The following FAN1 variants were observed in gnomAD, a reference collection of about 807,000 sequenced individuals.
The protein encoded by FAN1 is FANCD2 and FANCI associated nuclease 1.
In FAN1, 91 loss-of-function variants were observed where a neutral mutation model predicts 104.9. The ratio of observed to expected loss-of-function variants is 0.87; its 90% CI spans 0.73 to 1.03. FAN1 has a LOEUF of 1.03. Among genes scored for constraint, FAN1 ranks in the 50% least tolerant of loss-of-function variants. The pLI is 0.00. For missense variants in FAN1, 1,263 were observed against 1,239.9 expected (o/e 1.02, Z -0.28); for synonymous variants, 478 against 457.6 (o/e 1.04, Z -0.57).
chr15:30,932,579 AAATTT>A (rs1452951018), intron 13 of FAN1, among the ~76,000 whole-genome samples: 1 of 152,176 alleles, frequency 6.6e-6, no homozygotes, highest in African/African-American at 2.4e-5. Context: ...GCTATAAATT[AAATTT>A]ATTTTTAAAC....
At chr15:30,926,988 A>G in intron 10 of FAN1, 2 of 985,454 alleles carry the variant, frequency 2.0e-6, no homozygotes, top group Non-Finnish European at 2.4e-6. Context: ...TTTCACTTAT[A>G]ACACAAATGC....
chr15:30,923,832 T>G (rs1312509531), intron 8 of FAN1, among the ~76,000 whole-genome samples: 1 of 152,226 alleles, frequency 6.6e-6, no homozygotes, highest in Non-Finnish European at 1.5e-5. Flanking sequence ...TTTTTATGTT[T>G]CTATTGTGGT....
At chr15:30,923,699 G>A (rs1217587060) in intron 8 of FAN1, among the ~76,000 whole-genome samples, 2 of 152,220 alleles carry the variant, frequency 1.3e-5, no homozygotes, top group African/African-American at 2.4e-5. Context: ...ACCGTCTTCT[G>A]CCAGCGAACA....
chr15:30,910,770 C>T lies in FAN1; in HGVS notation c.1532C>T (p.Thr511Ile), dbSNP rs1427088834. ...TTGGCCAAACAGCGTTCAGTCTGCA[C>T]TTGGGGCAAGAATAAGCCTGGAATT... ...LKLAKQRSVC[T>I]WGKNKPGIGA... is the part of the protein sequence containing the mutation. Residue 511 changes from threonine (T) to isoleucine (I), a missense_variant, in exon 4 of 15, where the codon ACT becomes ATT. Coordinates refer to ENST00000362065, the MANE Select transcript of FAN1 (RefSeq NM_014967.5). 6.2e-7 allele frequency: 1 copy of T among 1,614,056 alleles called. No individual in the cohort carries two copies. Among genetic ancestry groups the T allele is most frequent in the South Asian group, 1.1e-5 (1 of 91,074 alleles).
intron 14 of FAN1, among the ~76,000 whole-genome samples, 188 bp downstream of exon 14, chr15:30,937,447 CTTTTTTTT>C (rs11317050): frequency 2.5e-5 from 2 of 78,978 alleles, no homozygotes; most frequent in South Asian, 1.1e-3. Flanking sequence ...GGGTAATAAA[CTTTTTTTT>C]TTTTTTTTTT....
At chr15:30,929,646 AT>A (rs1180993154) in intron 12 of FAN1, among the ~76,000 whole-genome samples, 56 of 115,976 alleles carry the variant, frequency 4.8e-4, no homozygotes, top group African/African-American at 2.2e-3. Context: ...AATATACAAT[AT>A]ATAATATAAT....
At chr15:30,925,704 G>T in intron 9 of FAN1, 85 bp from the exon 10 acceptor site, 1 of 1,458,376 alleles carries the variant, frequency 6.9e-7, no homozygotes, top group South Asian at 1.2e-5. Flanking sequence ...TGGTAAGGGA[G>T]GTCAATCCTC....
At chr15:30,938,473 A>G (rs1413178467) in intron 14 of FAN1, among the ~76,000 whole-genome samples, 2 of 152,068 alleles carry the variant, frequency 1.3e-5, no homozygotes, top group East Asian at 1.9e-4. Flanking sequence ...GTTGTCCTTC[A>G]TTGTCCATCT....
Position 30,942,014 on chromosome 15 carries a change from CTGA to C in FAN1, c.*457_*459del. 6.2e-7 allele frequency: 1 copy of C among 1,613,944 alleles called. No homozygotes were observed. Among genetic ancestry groups the C allele is most frequent in the East Asian group, 2.2e-5 (1 of 44,848 alleles). ...TCTCCTTGGAAGTAATTCTTGGTCA[CTGA>C]TGATTCCATTCTTTAAGGCAGACGG... On this transcript the variant is annotated 3_prime_UTR_variant, in exon 15 of 15. Coordinates refer to ENST00000362065, the MANE Select transcript of FAN1 (RefSeq NM_014967.5).
chr15:30,918,689 A>T (rs2062246358), intron 6 of FAN1, among the ~76,000 whole-genome samples: 1 of 151,810 alleles, frequency 6.6e-6, no homozygotes, highest in African/African-American at 2.4e-5. Context: ...GGTGTTAAAA[A>T]CTCTGCAAAA....
In FAN1 at chr15:30,925,184, C is replaced by T; in HGVS notation, c.2230C>T (p.Leu744Phe). 6.2e-7 allele frequency: 1 copy of T among 1,614,082 alleles called. No homozygotes were observed. Among genetic ancestry groups the T allele is most frequent in the Non-Finnish European group, 8.5e-7 (1 of 1,180,032 alleles). ...ADPEVRTGHRLSLYQRAVRLR... is the reference protein window; with the variant it reads ...ADPEVRTGHRFSLYQRAVRLR... The stretch of plus-strand genomic sequence containing the variant: ...TCCGGAAGTCAGAACGGGACACCGC[C>T]TTTCACTGTATCAGCGAGCCGTGCG... Residue 744 changes from leucine to phenylalanine, a missense_variant, in exon 9 of 15, where the codon CTT (leucine) becomes TTT (phenylalanine). Leu to Phe is a conservative substitution (Grantham distance 22). Around this residue, in one of 2 missense-constraint regions of FAN1, gnomAD observed 581 missense variants for 668.8 expected, o/e 0.87. Transcript: ENST00000362065.
chr15:30,917,594 G>C (rs1382788844), intron 5 of FAN1, among the ~76,000 whole-genome samples: 1 of 152,142 alleles, frequency 6.6e-6, no homozygotes, highest in African/African-American at 2.4e-5. Context: ...AGAATTTGTT[G>C]GTCAAATGTC....
rs776904875 is a variant in FAN1, at chr15:30,925,210, C to T, written c.2256C>T (p.Arg752=). 1.2e-6 allele frequency: 2 copies of T among 1,614,064 alleles called. No homozygotes were observed. Among genetic ancestry groups the T allele is most frequent in the East Asian group, 4.5e-5 (2 of 44,876 alleles). Residue 752 remains arginine (R), a synonymous_variant, in exon 9 of 15, where the codon CGC becomes CGT. Coordinates refer to ENST00000362065, the MANE Select transcript of FAN1 (RefSeq NM_014967.5). Reference sequence around the variant, plus strand: ...TTTCACTGTATCAGCGAGCCGTGCGCCTGCGAGAGTCTCCGAGCTGTAAAA... The same window carrying T: ...TTTCACTGTATCAGCGAGCCGTGCGTCTGCGAGAGTCTCCGAGCTGTAAAA... ...HRLSLYQRAV[R]LRESPSCKKF... is the part of the protein sequence containing the mutation.
rs1281576170 is a variant in FAN1, at chr15:30,913,392, G to A, written c.1578-466G>A. Among the ~76,000 whole-genome samples, 5 of 152,294 alleles carry A rather than the reference G, an allele frequency of 3.3e-5. No individual in the cohort carries two copies. The South Asian group carries it at 8.3e-4, about 25-fold the overall frequency. ...GCGTTGACTGCTGCGCTAGAGAACA[G>A]CACCAAACTTTGGCATATACATTTG... On this transcript the variant is annotated intron_variant, in intron 4 of 14. Coordinates refer to ENST00000362065, the MANE Select transcript of FAN1 (RefSeq NM_014967.5).
chr15:30,918,712 G>A (rs557673579), intron 6 of FAN1, among the ~76,000 whole-genome samples: 11 of 152,318 alleles, frequency 7.2e-5, no homozygotes, highest in Admixed American at 5.2e-4. Context: ...CAGCTCAAGC[G>A]AACTTTCCAG....
At chr15:30,937,005 C>A in intron 13 of FAN1, 114 bp from the exon 14 acceptor site, 2 of 793,732 alleles carry the variant, frequency 2.5e-6, no homozygotes, top group Non-Finnish European at 4.2e-6. Flanking sequence ...CTTACAAATA[C>A]AGTGAGAGAG....
chr15:30,934,319 T>C (rs771084231), intron 13 of FAN1, among the ~76,000 whole-genome samples: 1 of 152,234 alleles, frequency 6.6e-6, no homozygotes, highest in Non-Finnish European at 1.5e-5. Flanking sequence ...TTATTTTTAA[T>C]GTGGATTTCC....
chr15:30,907,692 G>A (rs2062013689), intron 2 of FAN1, among the ~76,000 whole-genome samples: 1 of 152,028 alleles, frequency 6.6e-6, no homozygotes, highest in African/African-American at 2.4e-5. Flanking sequence ...AGATAATCTG[G>A]GTAATAGGGA....
intron 5 of FAN1, among the ~76,000 whole-genome samples, chr15:30,914,501 A>G (rs768492268): frequency 3.5e-4 from 53 of 152,136 alleles, no homozygotes; most frequent in South Asian, 6.2e-4. Context: ...AGTAGCTGGG[A>G]CCACAGGCAC....
Sources: gnomAD v4.1 joint callset for allele counts (sites outside exome capture counted in the v4.1 genomes callset) on GRCh38, gnomAD v4.1.1 for gene constraint, gnomAD v4.1.1 regional missense constraint, MANE v1.5 for transcripts, NCBI Gene and HGNC (gene_info 2026-07-23, HGNC 2026-07-21) for gene names.